The following GRID1 variants were observed in gnomAD, a reference collection of about 807,000 sequenced individuals.
The protein encoded by GRID1 is glutamate ionotropic receptor delta type subunit 1.
In GRID1, 28 loss-of-function variants were observed where a neutral mutation model predicts 98.0. The observed-to-expected ratio is 0.29, with a 90% CI of 0.21 to 0.39. The LOEUF is 0.39. Ranked by LOEUF, GRID1 falls within the 10% of genes least tolerant of loss-of-function variation. The probability of loss-of-function intolerance (pLI) is 1.00; values close to 1 mark genes in which losing one functional copy is unlikely to be tolerated. For synonymous variants in GRID1, 553 were observed against 538.5 expected, an observed-to-expected ratio of 1.03 and a Z score of -0.37; for missense variants, 1,111 against 1,340.5, an observed-to-expected ratio of 0.83 and a Z score of 2.67.
At chr10:86,068,246 T>G (rs1475021194) in intron 4 of GRID1, among the ~76,000 whole-genome samples, 1 of 152,216 alleles carries the variant, frequency 6.6e-6, no homozygotes, top group Non-Finnish European at 1.5e-5. Context: ...CTGAAATTCA[T>G]GCAAACATAT....
intron 12 of GRID1, among the ~76,000 whole-genome samples, chr10:85,687,230 T>A (rs1841279505): frequency 6.6e-6 from 1 of 151,306 alleles, no homozygotes; most frequent in Admixed American, 6.6e-5. Flanking sequence ...TATTCATTGT[T>A]CCTCAAAGTC....
chr10:86,192,277 C>A lies in GRID1; in HGVS notation c.520+14087G>T, dbSNP rs1449854452. ...AAGCCAAGTGGACCAAAGGTAGAAG[C>A]AACCCTTAAGTGTCCATCGATGGAT... On this transcript the variant is annotated intron_variant, in intron 3 of 15. Transcript: ENST00000327946. The surrounding 1 kb of genome is among the most constrained non-coding windows in gnomAD (Gnocchi z 4.8). Among the ~76,000 whole-genome samples, 3 of 152,178 alleles carry A rather than the reference C, an allele frequency of 2.0e-5. No homozygotes were observed. The highest frequency in any genetic ancestry group is 4.4e-5 in the Non-Finnish European group (3 of 68,024).
At chr10:86,065,011 A>T (rs1230199682) in intron 4 of GRID1, among the ~76,000 whole-genome samples, 1 of 152,136 alleles carries the variant, frequency 6.6e-6, no homozygotes, top group African/African-American at 2.4e-5. Context: ...CCACATTACC[A>T]TGTAGCAGCC....
chr10:86,091,007 C>T (rs1377273427), intron 4 of GRID1, among the ~76,000 whole-genome samples: 2 of 152,184 alleles, frequency 1.3e-5, no homozygotes, highest in African/African-American at 4.8e-5. Context: ...CCCCTAGTAG[C>T]CCATTCCTTC....
At chr10:86,182,582 C>T (rs939194488) in intron 3 of GRID1, among the ~76,000 whole-genome samples, 1 of 152,220 alleles carries the variant, frequency 6.6e-6, no homozygotes, top group African/African-American at 2.4e-5. Flanking sequence ...TTAATGCAGA[C>T]TGGTGATAAA....
At chr10:86,190,737 G>A (rs1235339801) in intron 3 of GRID1, among the ~76,000 whole-genome samples, 1 of 152,230 alleles carries the variant, frequency 6.6e-6, no homozygotes, top group African/African-American at 2.4e-5. Context: ...TTAATGTATT[G>A]ATCTTTCTTG....
intron 8 of GRID1, among the ~76,000 whole-genome samples, chr10:85,777,631 A>G (rs1842344293): frequency 6.6e-6 from 1 of 152,246 alleles, no homozygotes; most frequent in South Asian, 2.1e-4. Flanking sequence ...GAAAACAGCC[A>G]TGATTTCATG....
intron 2 of GRID1, among the ~76,000 whole-genome samples, chr10:86,318,863 G>C (rs1361024964): frequency 6.6e-6 from 1 of 152,230 alleles, no homozygotes; most frequent in Admixed American, 6.5e-5. Context: ...TAGCAGGAGA[G>C]AAAGCACTAA....
chr10:86,315,293 G>T (rs1411380452), intron 2 of GRID1, among the ~76,000 whole-genome samples: 3 of 152,142 alleles, frequency 2.0e-5, no homozygotes, highest in African/African-American at 4.8e-5. Context: ...CCACTGCAAG[G>T]TTCTTGCAAT....
intron 4 of GRID1, among the ~76,000 whole-genome samples, chr10:86,124,103 C>CAATTCCCTT (rs1339424793): frequency 6.6e-6 from 1 of 152,226 alleles, no homozygotes; most frequent in East Asian, 1.9e-4. Context: ...CTATAGAGTA[C>CAATTCCCTT]AATTCCCTTA....
chr10:85,619,655 C>T (rs1280444085), intron 14 of GRID1, among the ~76,000 whole-genome samples: 1 of 152,182 alleles, frequency 6.6e-6, no homozygotes, highest in African/African-American at 2.4e-5. Flanking sequence ...ATCAGAGATC[C>T]CACAGAGACT....
At chr10:85,771,333 G>A (rs940434658) in intron 8 of GRID1, among the ~76,000 whole-genome samples, 3 of 152,234 alleles carry the variant, frequency 2.0e-5, no homozygotes, top group South Asian at 2.1e-4. Context: ...CACTAAACAT[G>A]GAAAGGAACA....
chr10:85,658,517 C>CA (rs1298140949), intron 12 of GRID1, among the ~76,000 whole-genome samples: 1 of 152,186 alleles, frequency 6.6e-6, no homozygotes, highest in Admixed American at 6.5e-5. Flanking sequence ...CTGCTTGATA[C>CA]AAAAACCTGT....
intron 2 of GRID1, among the ~76,000 whole-genome samples, chr10:86,315,870 T>C (rs1279247060): frequency 1.3e-5 from 2 of 152,064 alleles, no homozygotes; most frequent in African/African-American, 4.8e-5. Context: ...CATCTACACA[T>C]CATCCCACTG....
intron 2 of GRID1, among the ~76,000 whole-genome samples, chr10:86,363,445 G>C (rs1848629717): frequency 6.6e-6 from 1 of 152,234 alleles, no homozygotes; most frequent in Non-Finnish European, 1.5e-5. Flanking sequence ...CGCGGGGCGC[G>C]AAACGCCGCG....
At chr10:86,063,243 G>A (rs1843673107) in intron 4 of GRID1, among the ~76,000 whole-genome samples, 1 of 152,186 alleles carries the variant, frequency 6.6e-6, no homozygotes, top group Non-Finnish European at 1.5e-5. Context: ...GGTGGAAATG[G>A]TGAGTACACA....
At chr10:85,988,042 T>G (rs758237358) in intron 4 of GRID1, among the ~76,000 whole-genome samples, 1 of 152,170 alleles carries the variant, frequency 6.6e-6, no homozygotes, top group Admixed American at 6.5e-5. Flanking sequence ...GAAGACCTGC[T>G]GAATAGAAAT....
At chr10:85,821,438 A>T (rs899698963) in intron 8 of GRID1, among the ~76,000 whole-genome samples, 9 of 135,206 alleles carry the variant, frequency 6.7e-5, no homozygotes, top group Non-Finnish European at 1.2e-4. Context: ...AATCACTTGA[A>T]CCCGGGAGGC....
At chr10:86,121,523 T>TCATCACCAC (rs1844672048) in intron 4 of GRID1, among the ~76,000 whole-genome samples, 1 of 141,200 alleles carries the variant, frequency 7.1e-6, no homozygotes. Context: ...ATCACTACCA[T>TCATCACCAC]CATCACCATC....
Sources: allele counts gnomAD v4.1 joint callset (sites outside exome capture counted in the v4.1 genomes callset), GRCh38; gene constraint gnomAD v4.1.1; non-coding constraint Gnocchi (gnomAD v3.1); transcripts MANE v1.5; gene names NCBI Gene and HGNC (gene_info 2026-07-23, HGNC 2026-07-21).